The following PLB1 variants were observed in gnomAD, a reference collection of about 807,000 sequenced individuals.
PLB1 encodes phospholipase B1.
A neutral mutation model predicts 227.4 loss-of-function variants in PLB1; 242 were observed. That is an observed-to-expected ratio of 1.06 (90% CI 0.96 to 1.18). PLB1 has a LOEUF of 1.18. Ranked by LOEUF, PLB1 falls within the 50% of genes most tolerant of loss-of-function variation. The pLI is 0.00. For synonymous variants in PLB1, 757 were observed against 682.2 expected (o/e 1.11, Z -1.71); for missense variants, 1,858 against 1,816.3 (o/e 1.02, Z -0.42).
At chr2:28,591,215 G>A (rs1573239220) in intron 30 of PLB1, 44 bp downstream of exon 30, 2 of 1,611,160 alleles carry the variant, frequency 1.2e-6, no homozygotes, top group Non-Finnish European at 8.5e-7. Flanking sequence ...GCAATGCAAT[G>A]GGCAACCCCT....
chr2:28,618,154 G>A (rs1881256), intron 45 of PLB1, among the ~76,000 whole-genome samples, 187 bp from the exon 46 acceptor site: 87,352 of 152,126 alleles, frequency 0.57, 25,987 homozygotes, highest in East Asian at 0.88. Flanking sequence ...GATAGCCATG[G>A]AACCCATTCC....
chr2:28,602,878 G>A lies in PLB1; in HGVS notation c.2731G>A (p.Val911Met), dbSNP rs2148301438. The change falls in exon 39 of 58, where the codon GTG (valine) becomes ATG (methionine). Residue 911 changes from valine to methionine, a missense_variant. Transcript: ENST00000327757. ...DFLNPTIMRQ[V>M]FLGNPDKCPV... ...CCTGAACCCCACTATCATGCGGCAGGTGTTCCTGGGAAACCCAGACAAGTG... is the reference window on the plus strand; with the variant it reads ...CCTGAACCCCACTATCATGCGGCAGATGTTCCTGGGAAACCCAGACAAGTG... 1 of 1,614,200 alleles carries A rather than the reference G, an allele frequency of 6.2e-7. No homozygotes were observed. Among genetic ancestry groups the A allele is most frequent in the Non-Finnish European group, 8.5e-7 (1 of 1,180,016 alleles).
intron 8 of PLB1, among the ~76,000 whole-genome samples, 188 bp from the exon 9 acceptor site, chr2:28,531,920 G>T (rs1038641761): frequency 1.2e-4 from 18 of 151,886 alleles, no homozygotes; most frequent in Non-Finnish European, 1.2e-4. Flanking sequence ...AAAAGTTTTG[G>T]ATATATTTTA....
At chr2:28,600,900 TA>T (rs1558883646) in intron 36 of PLB1, 40 bp downstream of exon 36, 2 of 1,562,388 alleles carry the variant, frequency 1.3e-6, no homozygotes. Flanking sequence ...ATTAATTTTC[TA>T]ACCCACTAAA....
intron 54 of PLB1, among the ~76,000 whole-genome samples, 176 bp from the exon 55 acceptor site, chr2:28,631,860 G>T (rs1043328100): frequency 6.6e-6 from 1 of 152,254 alleles, no homozygotes. Flanking sequence ...AAATGTCCGT[G>T]CCCATGAATG....
Position 28,598,678 on chromosome 2 carries a change from C to G in PLB1, c.2392C>G (p.Leu798Val), listed in dbSNP as rs1683371928. The G allele has an allele frequency of 6.2e-7, 1 of 1,614,068 alleles. No homozygotes were observed. The highest frequency in any genetic ancestry group is 1.3e-5 in the African/African-American group (1 of 74,944). Residue 798 changes from leucine (L) to valine (V), a missense_variant, in exon 35 of 58, where the codon CTC becomes GTC. By Grantham distance (32) the Leu-to-Val change is conservative. Transcript: ENST00000327757. ...PNILREFNRNLTGYAVGTGDA... is the reference protein window; with the variant it reads ...PNILREFNRNVTGYAVGTGDA... Reference sequence around the variant, plus strand: ...TATCCTTCGGGAGTTTAACAGAAACCTCACAGGCTACGCCGTGGGCACGGG... The same window carrying G: ...TATCCTTCGGGAGTTTAACAGAAACGTCACAGGCTACGCCGTGGGCACGGG...
Position 28,548,942 on chromosome 2 carries a change from C to CTGGGCAGAGGAGGGACTCTTAT in PLB1, c.1008+14_1008+35dup. 1 of 1,613,460 alleles carries CTGGGCAGAGGAGGGACTCTTAT rather than the reference C, an allele frequency of 6.2e-7. No homozygotes were observed. The highest frequency in any genetic ancestry group is 8.5e-7 in the Non-Finnish European group (1 of 1,179,442). ...AAGTGTCCCTCTCAGGTAGGAGGGA[C>CTGGGCAGAGGAGGGACTCTTAT]TGGGCAGAGGAGGGACTCTTATTGA... On this transcript the variant is annotated intron_variant, in intron 15 of 57. Coordinates refer to ENST00000327757, the MANE Select transcript of PLB1 (RefSeq NM_153021.5).
intron 14 of PLB1, among the ~76,000 whole-genome samples, chr2:28,546,965 C>T (rs776540216): frequency 2.0e-5 from 3 of 151,844 alleles, no homozygotes; most frequent in East Asian, 1.9e-4. Flanking sequence ...TTTGGGAGTC[C>T]GAGGCAGGAG....
chr2:28,597,202 T>C (rs941453704), intron 33 of PLB1, among the ~76,000 whole-genome samples: 2 of 147,906 alleles, frequency 1.4e-5, no homozygotes, highest in African/African-American at 5.1e-5. Flanking sequence ...AGGCGGAGCT[T>C]GCATTGAGTG....
At chr2:28,547,072 A>C (rs1488137670) in intron 14 of PLB1, among the ~76,000 whole-genome samples, 5 of 151,992 alleles carry the variant, frequency 3.3e-5, no homozygotes, top group Non-Finnish European at 7.4e-5. Context: ...ATGGTGTCAC[A>C]CACCTATAGT....
intron 43 of PLB1, among the ~76,000 whole-genome samples, chr2:28,612,867 C>A (rs1416312297): frequency 1.3e-5 from 2 of 151,112 alleles, no homozygotes; most frequent in Non-Finnish European, 2.9e-5. Flanking sequence ...TGAACCCCCC[C>A]TTGGCCTCCC....
chr2:28,592,356 T>A (rs7603708), intron 31 of PLB1, among the ~76,000 whole-genome samples: 36,662 of 151,490 alleles, frequency 0.24, 4,580 homozygotes, highest in Middle Eastern at 0.28. Flanking sequence ...TACTCTGCCC[T>A]GCCCTCCCTC....
At chr2:28,597,155 T>G (rs1683083336) in intron 33 of PLB1, among the ~76,000 whole-genome samples, 1 of 148,664 alleles carries the variant, frequency 6.7e-6, no homozygotes, top group Middle Eastern at 3.2e-3. Flanking sequence ...TCCCAGCTAC[T>G]CGGGAGGCTG....
chr2:28,556,155 A>G (rs1466021403), intron 17 of PLB1, among the ~76,000 whole-genome samples: 2 of 152,106 alleles, frequency 1.3e-5, no homozygotes, highest in East Asian at 3.9e-4. Flanking sequence ...AAGCTACCAT[A>G]CTGGTCCAAA....
At chr2:28,638,537 T>C (rs1689626314) in intron 56 of PLB1, among the ~76,000 whole-genome samples, 1 of 151,764 alleles carries the variant, frequency 6.6e-6, no homozygotes, top group Admixed American at 6.6e-5. Flanking sequence ...GAGGCTGCTG[T>C]TGATGGGTGA....
At chr2:28,626,759 G>A (rs756587273) in intron 51 of PLB1, among the ~76,000 whole-genome samples, 1 of 152,242 alleles carries the variant, frequency 6.6e-6, no homozygotes, top group African/African-American at 2.4e-5. Flanking sequence ...TGGACCCACT[G>A]TAGGCACTGC....
In PLB1 at chr2:28,598,637, C is replaced by T. The variant is rs1683365772; in HGVS notation, c.2366-15C>T. 1.2e-6 allele frequency: 2 copies of T among 1,600,996 alleles called. No homozygotes were observed. The highest frequency in any genetic ancestry group is 2.7e-5 in the African/African-American group (2 of 74,770). On this transcript the variant is annotated splice_polypyrimidine_tract_variant and intron_variant, in intron 34 of 57. Transcript: ENST00000327757. ...TGTTCTGAGCCGTCTGCATCCCATT[C>T]ACCTTCTCTTCCAGATATCCTTCGG...
Position 28,581,988 on chromosome 2 carries a change from A to C in PLB1, c.1567-80A>C, listed in dbSNP as rs796085259. 121 of 1,335,602 alleles carry C rather than the reference A, an allele frequency of 9.1e-5. No individual in the cohort carries two copies. The East Asian group carries it at 2.1e-3, about 24-fold the overall frequency. 82.7% of individuals were successfully genotyped at this position (1,335,602 alleles called of 1,614,324 possible). A position where few individuals can be genotyped will look rare whatever the true frequency, so the allele number is the denominator to read the frequency against. ...AAAAAGAAAAAAAAAAAAGAAGGGGACCCAAGAGAGAAAGTAGCCCTGTTC... is the reference window on the plus strand; with the variant it reads ...AAAAAGAAAAAAAAAAAAGAAGGGGCCCCAAGAGAGAAAGTAGCCCTGTTC... On this transcript the variant is annotated intron_variant, in intron 23 of 57. Transcript: ENST00000327757.
At chr2:28,542,067 A>C (rs1355995147) in intron 13 of PLB1, among the ~76,000 whole-genome samples, 1 of 150,716 alleles carries the variant, frequency 6.6e-6, no homozygotes. Context: ...TGGGAGGCAG[A>C]GGCTTCAGTG....
Sources: allele counts gnomAD v4.1 joint callset (sites outside exome capture counted in the v4.1 genomes callset), GRCh38; gene constraint gnomAD v4.1.1; transcripts MANE v1.5; gene names NCBI Gene and HGNC (gene_info 2026-07-23, HGNC 2026-07-21).